AHCYL1: variants seen among roughly 807,000 people sequenced by gnomAD.
The protein encoded by AHCYL1 is adenosylhomocysteinase like 1.
Under a neutral mutation model 79.3 loss-of-function variants are expected in AHCYL1, and 20 were observed. That is an observed-to-expected ratio of 0.25 (90% CI 0.18 to 0.37). AHCYL1 has a LOEUF of 0.37. AHCYL1 is among the 10% of genes least tolerant of loss of function. The probability of loss-of-function intolerance (pLI) is 1.00; values close to 1 mark genes in which losing one functional copy is unlikely to be tolerated. For missense variants in AHCYL1, 330 were observed against 673.6 expected (o/e 0.49, Z 5.65); for synonymous variants, 223 against 242.2 (o/e 0.92, Z 0.74).
intron 6 of AHCYL1, among the ~76,000 whole-genome samples, 163 bp from the exon 7 acceptor site, chr1:110,015,262 C>G (rs1470747007): frequency 6.6e-6 from 1 of 152,220 alleles, no homozygotes; most frequent in Non-Finnish European, 1.5e-5. Context: ...TTTACACCAA[C>G]AAATTTGACT....
At chr1:110,021,258 CA>C (rs908583568) in intron 16 of AHCYL1, among the ~76,000 whole-genome samples, 1 of 151,956 alleles carries the variant, frequency 6.6e-6, no homozygotes, top group Non-Finnish European at 1.5e-5. Context: ...AACAAACAAA[CA>C]AAAAAACTGT....
intron 15 of AHCYL1, 141 bp from the exon 16 acceptor site, chr1:110,020,590 A>T (rs969101384): frequency 4.2e-6 from 5 of 1,187,508 alleles, no homozygotes; most frequent in Non-Finnish European, 5.8e-6. Flanking sequence ...AATTAAGCAA[A>T]TATTTCAAGT....
At chr1:110,012,484 A>C in intron 4 of AHCYL1, 22 bp downstream of exon 4, 1 of 1,554,212 alleles carries the variant, frequency 6.4e-7, no homozygotes, top group Non-Finnish European at 8.7e-7. Flanking sequence ...GGAAGAAAAG[A>C]GGGACTTCTG....
intron 1 of AHCYL1, among the ~76,000 whole-genome samples, chr1:109,997,276 AG>A (rs1183009419): frequency 1.3e-5 from 2 of 152,214 alleles, no homozygotes. Flanking sequence ...AAAGATCATG[AG>A]GACATTTTAG....
intron 1 of AHCYL1, among the ~76,000 whole-genome samples, chr1:109,990,215 C>T (rs918762129): frequency 2.0e-5 from 3 of 152,174 alleles, no homozygotes; most frequent in African/African-American, 7.2e-5. Flanking sequence ...TCTCTACCAT[C>T]TAATAGTTGT....
In AHCYL1 at chr1:110,021,715, C is replaced by A; in HGVS notation, c.*35C>A. 1 of 1,597,950 alleles carries A rather than the reference C, an allele frequency of 6.3e-7. No homozygotes were observed. The highest frequency in any genetic ancestry group is 8.6e-7 in the Non-Finnish European group (1 of 1,167,334). ...CTACCAAGGACCAGTCCACCTGAACCACACACTCTAAAGAAATATTTTTTA... is the reference window on the plus strand; with the variant it reads ...CTACCAAGGACCAGTCCACCTGAACAACACACTCTAAAGAAATATTTTTTA... On this transcript the variant is annotated 3_prime_UTR_variant, in exon 17 of 17. Transcript: ENST00000369799.
At chr1:109,991,727 G>C (rs1448789424) in intron 1 of AHCYL1, among the ~76,000 whole-genome samples, 1 of 152,228 alleles carries the variant, frequency 6.6e-6, no homozygotes, top group East Asian at 1.9e-4. Flanking sequence ...ACAATGATGT[G>C]TGGCTCAGTG....
intron 5 of AHCYL1, among the ~76,000 whole-genome samples, chr1:110,014,110 A>AT (rs1651253925): frequency 6.6e-6 from 1 of 152,152 alleles, no homozygotes; most frequent in Non-Finnish European, 1.5e-5. Flanking sequence ...CGGACCTCTC[A>AT]TCTTTTTAAG....
intron 1 of AHCYL1, 107 bp downstream of exon 1, chr1:109,985,279 A>ACGG (rs1221769143): frequency 1.4e-6 from 2 of 1,445,280 alleles, no homozygotes; most frequent in Non-Finnish European, 1.8e-6. Context: ...GTGACTGGGG[A>ACGG]CGGCGGAGGT....
At chr1:110,012,837 G>C in intron 4 of AHCYL1, 60 bp from the exon 5 acceptor site, 1 of 1,336,220 alleles carries the variant, frequency 7.5e-7, no homozygotes, top group Non-Finnish European at 1.0e-6. Flanking sequence ...GATGAGGCTT[G>C]CTCTCCATTC....
intron 1 of AHCYL1, among the ~76,000 whole-genome samples, chr1:110,007,991 C>A (rs1650766452): frequency 6.9e-6 from 1 of 145,666 alleles, no homozygotes; most frequent in Non-Finnish European, 1.5e-5. Flanking sequence ...CTAGTTCTGG[C>A]TTATTTCATT....
chr1:110,021,575 T>C, intron 16 of AHCYL1, 99 bp from the exon 17 acceptor site: 1 of 1,202,722 alleles, frequency 8.3e-7, no homozygotes, highest in Non-Finnish European at 1.2e-6. Context: ...CCACCCAGGC[T>C]GGGGAGGGGC....
chr1:109,996,505 TG>T (rs1474147730), intron 1 of AHCYL1, among the ~76,000 whole-genome samples: 1 of 152,364 alleles, frequency 6.6e-6, no homozygotes, highest in African/African-American at 2.4e-5. Context: ...TTAAGTCCAG[TG>T]AAGTGGTTCT....
intron 1 of AHCYL1, among the ~76,000 whole-genome samples, chr1:109,989,438 T>C (rs996866585): frequency 9.9e-5 from 15 of 152,198 alleles, no homozygotes; most frequent in African/African-American, 2.9e-4. Context: ...AGGCTTGTCT[T>C]GAACTCCTGG....
intron 1 of AHCYL1, among the ~76,000 whole-genome samples, chr1:110,006,476 C>G (rs912479688): frequency 3.0e-4 from 46 of 152,116 alleles, no homozygotes; most frequent in African/African-American, 1.1e-3. Flanking sequence ...TCGTCTTACC[C>G]AGATTATCAT....
chr1:110,016,686 G>A lies in AHCYL1; in HGVS notation c.919G>A (p.Val307Met), dbSNP rs1651440231. 6.2e-7 allele frequency: 1 copy of A among 1,614,220 alleles called. No individual in the cohort carries two copies. Among genetic ancestry groups the A allele is most frequent in the East Asian group, 2.2e-5 (1 of 44,886 alleles). Residue 307 changes from valine to methionine, a missense_variant, in exon 9 of 17, where the codon GTG (valine) becomes ATG (methionine). By Grantham distance (21) the Val-to-Met change is conservative (BLOSUM62 1). Transcript: ENST00000369799. ...CCACAGCCTGAAGAGGACCACAGATGTGATGTTTGGTGGGAAACAAGTGGT... is the reference window on the plus strand; with the variant it reads ...CCACAGCCTGAAGAGGACCACAGATATGATGTTTGGTGGGAAACAAGTGGT... ...ILDGLKRTTDVMFGGKQVVVC... is the reference protein window; with the variant it reads ...ILDGLKRTTDMMFGGKQVVVC...
intron 8 of AHCYL1, 37 bp from the exon 9 acceptor site, chr1:110,016,630 A>G (rs767260773): frequency 6.2e-6 from 10 of 1,612,958 alleles, no homozygotes; most frequent in African/African-American, 4.0e-5. Flanking sequence ...AGTTTGAGCT[A>G]TTAACGTTTG....
At position 109,984,823 on chromosome 1, in the gene AHCYL1, A is replaced by C. The variant is rs1433308492; in HGVS notation, c.-230A>C. On this transcript the variant is annotated 5_prime_UTR_variant, in exon 1 of 17. Transcript: ENST00000369799. ...GCGGCGCGGGCAGGTCGGAGCTCGG[A>C]GCTGCTGTTCTGGTTCTCTTGTGGC... is the stretch of plus-strand genomic sequence containing the variant. 8.9e-6 allele frequency: 3 copies of C among 335,894 alleles called. No individual in the cohort carries two copies. The highest frequency in any genetic ancestry group is 1.2e-5 in the Non-Finnish European group (3 of 250,856). The allele number at this position is 335,894 out of a possible 1,614,324, so 20.8% of individuals were successfully genotyped here. A position where few individuals can be genotyped will look rare whatever the true frequency, so the allele number is the denominator to read the frequency against.
intron 1 of AHCYL1, among the ~76,000 whole-genome samples, chr1:109,987,230 A>G (rs1289948302): frequency 6.6e-6 from 1 of 152,268 alleles, no homozygotes; most frequent in African/African-American, 2.4e-5. Context: ...TCAAGGTCAC[A>G]TAGCAAGTCC....
Sources: allele counts gnomAD v4.1 joint callset (sites outside exome capture counted in the v4.1 genomes callset), GRCh38; gene constraint gnomAD v4.1.1; transcripts MANE v1.5; gene names NCBI Gene and HGNC (gene_info 2026-07-23, HGNC 2026-07-21).